Variants in ARL15 observed in about 807,000 individuals in gnomAD.
The protein encoded by ARL15 is ADP-ribosylation factor-like protein 15.
In ARL15, 19 loss-of-function variants were observed where a neutral mutation model predicts 25.2. The ratio of observed to expected loss-of-function variants is 0.75; its 90% CI spans 0.53 to 1.10. The LOEUF (loss-of-function observed/expected upper bound fraction) is 1.10. Ranked by LOEUF, ARL15 falls within the 50% of genes least tolerant of loss-of-function variation. ARL15 has a pLI of 0.00. For synonymous variants in ARL15, 94 were observed against 86.8 expected (o/e 1.08, Z -0.46); for missense variants, 220 against 246.0 (o/e 0.89, Z 0.71).
chr5:54,247,578 GAA>G (rs1554050253), intron 1 of ARL15, among the ~76,000 whole-genome samples: 3 of 113,458 alleles, frequency 2.6e-5, no homozygotes. Context: ...GAAAGGAAGA[GAA>G]AAAAAAAAAA....
intron 4 of ARL15, among the ~76,000 whole-genome samples, chr5:53,948,446 G>A (rs917309127): frequency 1.3e-5 from 2 of 152,030 alleles, no homozygotes; most frequent in Admixed American, 6.6e-5. Flanking sequence ...TTATAAATTC[G>A]GTATTTGCGT....
chr5:54,262,531 C>A (rs1757520488), intron 1 of ARL15, among the ~76,000 whole-genome samples: 1 of 150,946 alleles, frequency 6.6e-6, no homozygotes, highest in South Asian at 2.1e-4. Flanking sequence ...TATTTTCATT[C>A]CTGTTAATAA....
intron 1 of ARL15, among the ~76,000 whole-genome samples, chr5:54,233,020 T>C (rs574940232): frequency 1.3e-5 from 2 of 152,194 alleles, no homozygotes; most frequent in African/African-American, 2.4e-5. Context: ...TTAACATTGA[T>C]GGAGAGAGTG....
At chr5:53,917,874 A>G (rs1322972357) in intron 4 of ARL15, among the ~76,000 whole-genome samples, 1 of 152,204 alleles carries the variant, frequency 6.6e-6, no homozygotes. Context: ...TGGCAATCAA[A>G]ACTGAAGCTG....
chr5:54,081,631 G>A (rs1751799733), intron 4 of ARL15, among the ~76,000 whole-genome samples: 2 of 152,094 alleles, frequency 1.3e-5, no homozygotes, highest in Admixed American at 6.6e-5. Context: ...TTCCCCCTTT[G>A]TTCAGCACTT....
At chr5:54,185,756 T>C (rs1013853557) in intron 1 of ARL15, among the ~76,000 whole-genome samples, 28 of 152,224 alleles carry the variant, frequency 1.8e-4, no homozygotes, top group African/African-American at 6.3e-4. Context: ...TAGGTGTTAT[T>C]ATCATCATGA....
At chr5:53,985,328 CT>C (rs1333842074) in intron 4 of ARL15, among the ~76,000 whole-genome samples, 1 of 152,166 alleles carries the variant, frequency 6.6e-6, no homozygotes, top group African/African-American at 2.4e-5. Context: ...AATTTACCAT[CT>C]TAACCATTTT....
At chr5:54,010,600 G>GA (rs1749203721) in intron 4 of ARL15, among the ~76,000 whole-genome samples, 1 of 152,046 alleles carries the variant, frequency 6.6e-6, no homozygotes, top group Non-Finnish European at 1.5e-5. Context: ...GCAATACAAA[G>GA]CCCAAGACTG....
chr5:54,154,583 C>A lies in ARL15; in HGVS notation c.250G>T (p.Gly84Ter). 1 of 1,523,878 alleles carries A rather than the reference C, an allele frequency of 6.6e-7. No individual in the cohort carries two copies. The highest frequency in any genetic ancestry group is 8.8e-7 in the Non-Finnish European group (1 of 1,135,770). The allele number at this position is 1,523,878 out of a possible 1,614,324, so 94.4% of individuals were successfully genotyped here. The change falls in exon 3 of 5, where the codon GGA (glycine) becomes TGA (stop). Residue 84 changes from glycine (G) to a stop codon, truncating the protein, a stop_gained. Transcript: ENST00000504924. LOFTEE classifies it high-confidence loss of function. ...QNAILNVKEL[G>*]GADNIRKYWS... is the part of the protein sequence containing the mutation. ...GAAATGATTTGAAATGTTATACCTC[C>A]AAGTTCTTTTACATTCAAGATGGCA...
intron 1 of ARL15, among the ~76,000 whole-genome samples, chr5:54,224,740 T>C (rs892337293): frequency 2.6e-5 from 4 of 152,196 alleles, no homozygotes; most frequent in Admixed American, 1.3e-4. Flanking sequence ...AACAAACTTT[T>C]ATTGTTTGAA....
chr5:54,070,142 G>A (rs10074555), intron 4 of ARL15, among the ~76,000 whole-genome samples: 27,131 of 150,626 alleles, frequency 0.18, 3,178 homozygotes, highest in African/African-American at 0.34. Flanking sequence ...AGTAATCCCA[G>A]CACTTTGGGA....
chr5:54,083,445 G>A (rs1343633023), intron 4 of ARL15, among the ~76,000 whole-genome samples: 4 of 152,148 alleles, frequency 2.6e-5, no homozygotes. Context: ...TTGCAGGGAT[G>A]GTTGCGCAAG....
chr5:53,897,441 G>A (rs1744909903), intron 4 of ARL15, among the ~76,000 whole-genome samples: 1 of 152,178 alleles, frequency 6.6e-6, no homozygotes, highest in Non-Finnish European at 1.5e-5. Context: ...TTTTACGGCT[G>A]AATAATATTC....
At chr5:54,120,266 G>A (rs755028980) in intron 3 of ARL15, among the ~76,000 whole-genome samples, 10 of 152,068 alleles carry the variant, frequency 6.6e-5, no homozygotes, top group Admixed American at 1.3e-4. Flanking sequence ...GTTCTGCAAG[G>A]AATCTCTCAT....
chr5:54,228,915 G>T (rs1198239634), intron 1 of ARL15, among the ~76,000 whole-genome samples: 3 of 152,146 alleles, frequency 2.0e-5, no homozygotes, highest in Non-Finnish European at 4.4e-5. Context: ...TAGCATCCCT[G>T]AAAATAACAT....
chr5:54,007,785 C>T (rs1749095289), intron 4 of ARL15, among the ~76,000 whole-genome samples: 1 of 152,148 alleles, frequency 6.6e-6, no homozygotes, highest in African/African-American at 2.4e-5. Context: ...CACACTTGAG[C>T]CAAAAGAAGA....
chr5:54,003,658 T>TTATATCTA (rs1253734153), intron 4 of ARL15, among the ~76,000 whole-genome samples: 85 of 134,100 alleles, frequency 6.3e-4, no homozygotes, highest in Middle Eastern at 3.7e-3. Context: ...AGAAAATATT[T>TTATATCTA]TCTTTCTATC....
At chr5:54,071,931 C>G (rs1751434191) in intron 4 of ARL15, among the ~76,000 whole-genome samples, 1 of 148,582 alleles carries the variant, frequency 6.7e-6, no homozygotes, top group Non-Finnish European at 1.5e-5. Flanking sequence ...CAAGATTGCA[C>G]CACTGCACGC....
intron 4 of ARL15, among the ~76,000 whole-genome samples, chr5:53,991,047 C>T (rs946670295): frequency 2.0e-5 from 3 of 152,110 alleles, no homozygotes; most frequent in Admixed American, 1.3e-4. Context: ...TCCCTACCCC[C>T]ACCCCATGGG....
Sources: allele counts gnomAD v4.1 joint callset (sites outside exome capture counted in the v4.1 genomes callset), GRCh38; gene constraint gnomAD v4.1.1; transcripts MANE v1.5; gene names NCBI Gene and HGNC (gene_info 2026-07-23, HGNC 2026-07-21).